Variants in SCFD2 observed in about 807,000 individuals in gnomAD.
SCFD2 encodes sec1 family domain containing 2, also known as sec1 family domain-containing protein 2.
A neutral mutation model predicts 58.9 loss-of-function variants in SCFD2; 54 were observed. The observed-to-expected ratio is 0.92, with a 90% CI of 0.74 to 1.15. SCFD2 has a LOEUF of 1.15. Ranked by LOEUF, SCFD2 falls within the 50% of genes most tolerant of loss-of-function variation. The pLI, the probability that SCFD2 is intolerant of heterozygous loss-of-function variation, is 0.00. For missense variants in SCFD2, 805 were observed against 836.6 expected (o/e 0.96, Z 0.47); for synonymous variants, 321 against 335.9 (o/e 0.96, Z 0.49).
At chr4:53,288,332 A>G (rs537896381) in intron 3 of SCFD2, among the ~76,000 whole-genome samples, 1 of 152,206 alleles carries the variant, frequency 6.6e-6, no homozygotes, top group Non-Finnish European at 1.5e-5. Context: ...ATAGAAGCTT[A>G]TTTGATGAAA....
chr4:53,308,862 G>A (rs976489163), intron 3 of SCFD2, among the ~76,000 whole-genome samples: 2 of 152,176 alleles, frequency 1.3e-5, no homozygotes, highest in Admixed American at 6.5e-5. Context: ...CGGGAACGAT[G>A]GCTCACGCCT....
chr4:53,010,078 T>C (rs2148806458), intron 5 of SCFD2, among the ~76,000 whole-genome samples: 1 of 152,306 alleles, frequency 6.6e-6, no homozygotes, highest in Middle Eastern at 3.4e-3. Context: ...CTACCTCATA[T>C]CCTCCACAGC....
chr4:53,256,924 G>C (rs1730660562), intron 4 of SCFD2, among the ~76,000 whole-genome samples: 1 of 129,616 alleles, frequency 7.7e-6, no homozygotes, highest in African/African-American at 2.8e-5. Context: ...GAGGGGGAGG[G>C]GGAGGGGGAG....
chr4:53,041,518 T>C (rs1215646121), intron 5 of SCFD2, among the ~76,000 whole-genome samples: 1 of 152,130 alleles, frequency 6.6e-6, no homozygotes, highest in Non-Finnish European at 1.5e-5. Flanking sequence ...AGATGTCCAA[T>C]GAGAGTAACT....
At chr4:53,332,458 A>C (rs1374654560) in intron 2 of SCFD2, among the ~76,000 whole-genome samples, 1 of 152,148 alleles carries the variant, frequency 6.6e-6, no homozygotes, top group Non-Finnish European at 1.5e-5. Flanking sequence ...CAAATCAATA[A>C]ATGTAATCCA....
At chr4:53,237,021 A>T (rs2149016061) in intron 4 of SCFD2, among the ~76,000 whole-genome samples, 1 of 149,614 alleles carries the variant, frequency 6.7e-6, no homozygotes, top group Admixed American at 6.7e-5. Flanking sequence ...GGTACTTGAG[A>T]TTAGGGAGTG....
intron 5 of SCFD2, among the ~76,000 whole-genome samples, chr4:52,994,701 G>A (rs772694916): frequency 1.3e-5 from 2 of 152,186 alleles, no homozygotes; most frequent in Admixed American, 6.5e-5. Flanking sequence ...TCTGTTGTGA[G>A]ACTCCACGCA....
intron 3 of SCFD2, among the ~76,000 whole-genome samples, chr4:53,313,279 C>T (rs1289849490): frequency 1.3e-5 from 2 of 152,188 alleles, no homozygotes; most frequent in East Asian, 1.9e-4. Flanking sequence ...TTTTACCCAC[C>T]ATAAGTGGGG....
intron 3 of SCFD2, among the ~76,000 whole-genome samples, chr4:53,284,577 T>C (rs745324787): frequency 1.3e-5 from 2 of 152,200 alleles, no homozygotes; most frequent in African/African-American, 4.8e-5. Flanking sequence ...TCTGGGAAAC[T>C]TGACTTTATT....
intron 5 of SCFD2, among the ~76,000 whole-genome samples, chr4:53,123,539 G>GC (rs1553878382): frequency 9.8e-5 from 13 of 132,796 alleles, no homozygotes; most frequent in East Asian, 7.2e-4. Flanking sequence ...GGGTGGGGGG[G>GC]GGGCACTGAC....
At chr4:52,888,192 C>T (rs1280513214) in intron 7 of SCFD2, among the ~76,000 whole-genome samples, 4 of 152,110 alleles carry the variant, frequency 2.6e-5, no homozygotes, top group African/African-American at 9.7e-5. Flanking sequence ...ATTCTAAAAG[C>T]ACTTGAAAGG....
intron 4 of SCFD2, among the ~76,000 whole-genome samples, chr4:53,266,632 C>T (rs1244012874): frequency 6.6e-6 from 1 of 152,196 alleles, no homozygotes; most frequent in African/African-American, 2.4e-5. Context: ...AAAGGCAAAG[C>T]TACTTTGTGA....
At chr4:53,154,316 A>G (rs1352239886) in intron 4 of SCFD2, among the ~76,000 whole-genome samples, 2 of 152,186 alleles carry the variant, frequency 1.3e-5, no homozygotes, top group African/African-American at 2.4e-5. Context: ...CTTTACAATC[A>G]TGGTAGAAGG....
intron 5 of SCFD2, among the ~76,000 whole-genome samples, chr4:53,051,716 G>C (rs1373916745): frequency 6.6e-6 from 1 of 152,162 alleles, no homozygotes; most frequent in East Asian, 1.9e-4. Context: ...TAGCAATGCT[G>C]TCACTCATTG....
intron 5 of SCFD2, among the ~76,000 whole-genome samples, chr4:53,024,821 C>A (rs1196315964): frequency 6.6e-6 from 1 of 151,536 alleles, no homozygotes; most frequent in Non-Finnish European, 1.5e-5. Flanking sequence ...CCACCTCAAT[C>A]ATCACACATT....
intron 7 of SCFD2, among the ~76,000 whole-genome samples, chr4:52,897,877 G>T (rs549138456): frequency 6.6e-6 from 1 of 152,320 alleles, no homozygotes; most frequent in African/African-American, 2.4e-5. Flanking sequence ...TCCTGGTTTA[G>T]TCTTGGGAGA....
chr4:53,231,336 A>T (rs1729432601), intron 4 of SCFD2, among the ~76,000 whole-genome samples: 3 of 152,134 alleles, frequency 2.0e-5, no homozygotes, highest in Admixed American at 6.6e-5. Context: ...TTGTTCATGG[A>T]TTCAGCCTTG....
chr4:53,107,483 C>T (rs1234415686), intron 5 of SCFD2, among the ~76,000 whole-genome samples: 4 of 151,978 alleles, frequency 2.6e-5, no homozygotes, highest in Non-Finnish European at 4.4e-5. Flanking sequence ...AGGAGATCTA[C>T]CTCATGTGCA....
At chr4:53,013,314 G>A (rs1722139566) in intron 5 of SCFD2, among the ~76,000 whole-genome samples, 1 of 152,192 alleles carries the variant, frequency 6.6e-6, no homozygotes, top group Non-Finnish European at 1.5e-5. Context: ...TATTAGAAGA[G>A]TTTTTCACTG....
Sources: gnomAD v4.1 joint callset for allele counts (sites outside exome capture counted in the v4.1 genomes callset) on GRCh38, gnomAD v4.1.1 for gene constraint, MANE v1.5 for transcripts, NCBI Gene and HGNC (gene_info 2026-07-23, HGNC 2026-07-21) for gene names.